Variants in LRP1B observed in about 807,000 individuals in gnomAD.
The protein encoded by LRP1B is low-density lipoprotein receptor-related protein 1B.
Under a neutral mutation model 556.6 loss-of-function variants are expected in LRP1B, and 217 were observed. The observed-to-expected ratio is 0.39, with a 90% CI of 0.35 to 0.44. The LOEUF is 0.44. Ranked by LOEUF, LRP1B falls within the 20% of genes least tolerant of loss-of-function variation. The pLI is 1.00. For missense variants in LRP1B, 5,053 were observed against 5,620.8 expected (o/e 0.90, Z 3.23); for synonymous variants, 2,047 against 1,865.8 (o/e 1.10, Z -2.50).
chr2:141,176,716 A>G (rs1680753870), intron 7 of LRP1B, among the ~76,000 whole-genome samples: 1 of 150,668 alleles, frequency 6.6e-6, no homozygotes, highest in Non-Finnish European at 1.5e-5. Flanking sequence ...TAAGTATCTC[A>G]AGAGAAAAAA....
intron 3 of LRP1B, among the ~76,000 whole-genome samples, chr2:141,295,920 T>C (rs1686169328): frequency 2.0e-5 from 3 of 152,282 alleles, no homozygotes; most frequent in South Asian, 4.1e-4. Flanking sequence ...CAAAAACTTA[T>C]CACCTGAGTC....
chr2:140,392,739 C>G (rs1684077532), intron 66 of LRP1B, among the ~76,000 whole-genome samples: 1 of 152,090 alleles, frequency 6.6e-6, no homozygotes, highest in East Asian at 1.9e-4. Context: ...TATAAATTGT[C>G]TAAAGATGCA....
In LRP1B at chr2:140,237,183, C is replaced by T. The variant is rs185513112; in HGVS notation, c.13560+969G>A. Among the ~76,000 whole-genome samples the T allele has an allele frequency of 4.6e-5, 7 of 151,056 alleles. No homozygotes were observed. The Admixed American group carries it at 4.6e-4, about 10-fold the overall frequency. ...CCTATTTTCCTTCCTCCTCCCCTCT[C>T]CACCCTCTAGTAACCACTATTCTAC... On this transcript the variant is annotated intron_variant, in intron 89 of 90. Transcript: ENST00000389484.
At position 142,124,855 on chromosome 2, in the gene LRP1B, T is replaced by A. The variant is rs572848226; in HGVS notation, c.82+5793A>T. Among the ~76,000 whole-genome samples, 3 of 151,764 alleles carry A rather than the reference T, an allele frequency of 2.0e-5. No individual in the cohort carries two copies. In the East Asian group the frequency reaches 5.8e-4, roughly 29 times the overall value. On this transcript the variant is annotated intron_variant, in intron 1 of 90. Coordinates refer to ENST00000389484, the MANE Select transcript of LRP1B (RefSeq NM_018557.3). ...TTGTTGTTATTGTTTCTTCATAGAA[T>A]CTCAATTTAGGCTTTTCCTGCAAGA...
intron 7 of LRP1B, among the ~76,000 whole-genome samples, chr2:141,162,507 G>A (rs903320382): frequency 6.6e-6 from 1 of 151,978 alleles, no homozygotes; most frequent in East Asian, 1.9e-4. Flanking sequence ...ACTGCCTGCG[G>A]TACTATGAGT....
At chr2:141,737,398 A>C (rs542726067) in intron 2 of LRP1B, among the ~76,000 whole-genome samples, 1 of 152,168 alleles carries the variant, frequency 6.6e-6, no homozygotes, top group Non-Finnish European at 1.5e-5. Context: ...CCTACAGCCC[A>C]GTGCTGACTT....
chr2:140,766,156 A>G (rs1377397736), intron 35 of LRP1B, among the ~76,000 whole-genome samples: 2 of 152,040 alleles, frequency 1.3e-5, no homozygotes, highest in African/African-American at 4.8e-5. Context: ...TGCAAAAGAA[A>G]TTAATCAAGA....
At chr2:141,332,931 C>T (rs1687710919) in intron 3 of LRP1B, among the ~76,000 whole-genome samples, 1 of 151,868 alleles carries the variant, frequency 6.6e-6, no homozygotes, top group Non-Finnish European at 1.5e-5. Context: ...GAAGGCAAAT[C>T]ACCTTGATTT....
At chr2:140,487,333 C>A (rs531833972) in intron 58 of LRP1B, among the ~76,000 whole-genome samples, 1 of 152,004 alleles carries the variant, frequency 6.6e-6, no homozygotes, top group Non-Finnish European at 1.5e-5. Context: ...ATCCTTCTAG[C>A]TGAAAGCACC....
intron 6 of LRP1B, among the ~76,000 whole-genome samples, chr2:141,203,688 A>G (rs1407407936): frequency 6.6e-6 from 1 of 152,164 alleles, no homozygotes; most frequent in East Asian, 1.9e-4. Context: ...GACCTAATAG[A>G]CATCTATGGA....
intron 1 of LRP1B, among the ~76,000 whole-genome samples, chr2:141,870,628 C>G (rs1698552862): frequency 6.6e-6 from 1 of 151,740 alleles, no homozygotes; most frequent in East Asian, 1.9e-4. Flanking sequence ...TTACATTTTC[C>G]CTCAAGAATA....
chr2:141,822,627 T>C (rs114530401), intron 1 of LRP1B, among the ~76,000 whole-genome samples: 1 of 152,210 alleles, frequency 6.6e-6, no homozygotes, highest in Non-Finnish European at 1.5e-5. Flanking sequence ...TCTATTATGC[T>C]GTGTTTTAAC....
chr2:140,990,678 C>T (rs1697066644), intron 16 of LRP1B, among the ~76,000 whole-genome samples: 2 of 152,136 alleles, frequency 1.3e-5, no homozygotes, highest in East Asian at 1.9e-4. Flanking sequence ...AAGGATTAAA[C>T]TTCCAATATC....
At chr2:141,250,081 G>A (rs984483503) in intron 4 of LRP1B, among the ~76,000 whole-genome samples, 1 of 152,190 alleles carries the variant, frequency 6.6e-6, no homozygotes, top group Non-Finnish European at 1.5e-5. Flanking sequence ...TGAAGCTGTG[G>A]TATTAAGTGG....
At chr2:140,837,103 T>C (rs1192052295) in intron 31 of LRP1B, among the ~76,000 whole-genome samples, 1 of 152,222 alleles carries the variant, frequency 6.6e-6, no homozygotes, top group Non-Finnish European at 1.5e-5. Flanking sequence ...GGACCTAATG[T>C]ACATACTACC....
chr2:140,743,780 A>C (rs1233781025), intron 35 of LRP1B, among the ~76,000 whole-genome samples: 1 of 151,808 alleles, frequency 6.6e-6, no homozygotes, highest in Admixed American at 6.6e-5. Flanking sequence ...CAACATGGTG[A>C]AACCCTGTCT....
intron 41 of LRP1B, among the ~76,000 whole-genome samples, chr2:140,659,106 T>G (rs1174409670): frequency 1.5e-5 from 2 of 130,804 alleles, no homozygotes; most frequent in East Asian, 4.0e-4. Context: ...CTGTTTTTTT[T>G]TTTTTTTTTT....
chr2:141,378,616 A>C (rs1689524520), intron 3 of LRP1B, among the ~76,000 whole-genome samples: 1 of 152,162 alleles, frequency 6.6e-6, no homozygotes, highest in Non-Finnish European at 1.5e-5. Context: ...CAGTGAGCTA[A>C]GATAATGCCA....
chr2:140,473,501 T>G (rs1278602072), intron 60 of LRP1B, among the ~76,000 whole-genome samples: 2 of 151,956 alleles, frequency 1.3e-5, no homozygotes, highest in Non-Finnish European at 2.9e-5. Context: ...AACATGCACT[T>G]AATTTTGTAT....
Sources: gnomAD v4.1 joint callset for allele counts (sites outside exome capture counted in the v4.1 genomes callset) on GRCh38, gnomAD v4.1.1 for gene constraint, MANE v1.5 for transcripts, NCBI Gene and HGNC (gene_info 2026-07-23, HGNC 2026-07-21) for gene names.